The following PDE3B variants were observed in gnomAD, a reference collection of about 807,000 sequenced individuals.
The protein encoded by PDE3B is phosphodiesterase 3B, also known as cGMP-inhibited 3',5'-cyclic phosphodiesterase 3B.
In PDE3B, 66 loss-of-function variants were observed where a neutral mutation model predicts 116.8. The observed-to-expected ratio is 0.56, with a 90% CI of 0.46 to 0.69. The LOEUF (loss-of-function observed/expected upper bound fraction) is 0.69. Ranked by LOEUF, PDE3B falls within the 30% of genes least tolerant of loss-of-function variation. The probability of loss-of-function intolerance (pLI) is 0.00; values close to 1 mark genes in which losing one functional copy is unlikely to be tolerated. For missense variants in PDE3B, 1,384 were observed against 1,368.1 expected (o/e 1.01, Z -0.18); for synonymous variants, 595 against 533.6 (o/e 1.12, Z -1.59).
intron 1 of PDE3B, among the ~76,000 whole-genome samples, chr11:14,668,114 G>C (rs1194824938): frequency 6.6e-6 from 1 of 151,914 alleles, no homozygotes; most frequent in African/African-American, 2.4e-5. Flanking sequence ...AGACATCCAG[G>C]TAAGAGGACA....
the PDE3B span, chr11:14,887,664 C>A: frequency 1.0e-6 from 1 of 984,972 alleles, no homozygotes; most frequent in Non-Finnish European, 1.2e-6. Flanking sequence ...AAGTCTCTTT[C>A]CCTCACCCAA....
chr11:14,819,028 C>T (rs931706407), intron 6 of PDE3B, 108 bp from the exon 7 acceptor site: 21 of 598,804 alleles, frequency 3.5e-5, no homozygotes, highest in Non-Finnish European at 6.1e-5. Flanking sequence ...TTTTAGGATG[C>T]GTTGCAGTTG....
At chr11:14,810,318 T>G (rs1160695398) in intron 5 of PDE3B, among the ~76,000 whole-genome samples, 1 of 65,890 alleles carries the variant, frequency 1.5e-5, no homozygotes. Flanking sequence ...CCCTCCCCCC[T>G]CCCCCCACCC....
At chr11:14,645,777 T>G (rs1037959844) in intron 1 of PDE3B, among the ~76,000 whole-genome samples, 6 of 152,256 alleles carry the variant, frequency 3.9e-5, no homozygotes, top group Non-Finnish European at 8.8e-5. Flanking sequence ...ATTTTTGTTT[T>G]TTTTTTAAAA....
At chr11:14,708,905 C>T (rs147826245) in intron 1 of PDE3B, among the ~76,000 whole-genome samples, 1 of 151,984 alleles carries the variant, frequency 6.6e-6, no homozygotes, top group Non-Finnish European at 1.5e-5. Flanking sequence ...TTTTGCACCT[C>T]TTCTGTAAGT....
intron 1 of PDE3B, among the ~76,000 whole-genome samples, chr11:14,694,435 A>G (rs1279691542): frequency 1.3e-5 from 2 of 152,180 alleles, no homozygotes; most frequent in Non-Finnish European, 2.9e-5. Context: ...CCCTGCCTTC[A>G]GCAACCACCA....
At chr11:14,664,018 A>G (rs1408884092) in intron 1 of PDE3B, among the ~76,000 whole-genome samples, 2 of 152,206 alleles carry the variant, frequency 1.3e-5, no homozygotes, top group Non-Finnish European at 2.9e-5. Context: ...AGTTGGAAGT[A>G]AAGCTCTCCT....
intron 4 of PDE3B, among the ~76,000 whole-genome samples, chr11:14,799,047 C>T (rs935808057): frequency 6.6e-6 from 1 of 152,066 alleles, no homozygotes; most frequent in Non-Finnish European, 1.5e-5. Flanking sequence ...TAGATCTTTC[C>T]TGCTTTCTCT....
intron 1 of PDE3B, among the ~76,000 whole-genome samples, chr11:14,665,523 T>C (rs965404364): frequency 2.6e-5 from 4 of 152,244 alleles, no homozygotes; most frequent in South Asian, 4.1e-4. Flanking sequence ...AAAACCCCAT[T>C]GTCTCAGCCC....
intron 1 of PDE3B, among the ~76,000 whole-genome samples, chr11:14,664,932 C>T (rs1426839995): frequency 6.6e-6 from 1 of 152,162 alleles, no homozygotes; most frequent in Non-Finnish European, 1.5e-5. Flanking sequence ...CCAGCATCAT[C>T]CTGATACCAA....
intron 1 of PDE3B, among the ~76,000 whole-genome samples, chr11:14,687,296 C>A (rs1854905969): frequency 6.6e-6 from 1 of 152,096 alleles, no homozygotes; most frequent in Non-Finnish European, 1.5e-5. Context: ...TTGTGACTTC[C>A]TAAATGTCTA....
At chr11:14,666,788 G>A (rs1294579173) in intron 1 of PDE3B, among the ~76,000 whole-genome samples, 1 of 152,168 alleles carries the variant, frequency 6.6e-6, no homozygotes, top group South Asian at 2.1e-4. Context: ...GAAACCACAG[G>A]TGCTGGAGAG....
At chr11:14,896,594 A>T in the PDE3B span, among the ~76,000 whole-genome samples, 27 of 152,364 alleles carry the variant, frequency 1.8e-4, no homozygotes, top group South Asian at 5.4e-3. Flanking sequence ...AACATAGGAA[A>T]TGTGATCAGT....
chr11:14,882,541 G>C, the PDE3B span, among the ~76,000 whole-genome samples: 7 of 152,252 alleles, frequency 4.6e-5, no homozygotes, highest in African/African-American at 1.7e-4. Flanking sequence ...GTGTGCCTGG[G>C]CATGACACTG....
chr11:14,677,233 G>T (rs1373807655), intron 1 of PDE3B, among the ~76,000 whole-genome samples: 4 of 152,030 alleles, frequency 2.6e-5, no homozygotes, highest in Non-Finnish European at 5.9e-5. Flanking sequence ...TTTTCTGGTG[G>T]TGTCATTTTC....
intron 3 of PDE3B, among the ~76,000 whole-genome samples, chr11:14,787,522 C>A (rs1286683686): frequency 6.6e-6 from 1 of 151,836 alleles, no homozygotes; most frequent in African/African-American, 2.4e-5. Flanking sequence ...GGATTTTGAT[C>A]ATCAGTTAAT....
chr11:14,804,053 A>T lies in PDE3B; in HGVS notation c.1522+3A>T. 6.5e-7 allele frequency: 1 copy of T among 1,530,684 alleles called. No homozygotes were observed. The highest frequency in any genetic ancestry group is 9.1e-7 in the Non-Finnish European group (1 of 1,104,470). 94.8% of individuals were successfully genotyped at this position (1,530,684 alleles called of 1,614,324 possible). A position where few individuals can be genotyped will look rare whatever the true frequency, so the allele number is the denominator to read the frequency against. ...CCATGTAGGTCTCAGAAGAGCTGGT[A>T]AGAAATCATTCTTTATGACTCAAAT... is the stretch of plus-strand genomic sequence containing the variant. On this transcript the variant is annotated splice_donor_region_variant and intron_variant, in intron 5 of 15. Transcript: ENST00000282096.
the PDE3B span, chr11:14,891,021 G>C: frequency 1.0e-6 from 1 of 985,442 alleles, no homozygotes; most frequent in East Asian, 1.1e-4. Context: ...TTAAAAGGCT[G>C]TATCTGCCTT....
intron 1 of PDE3B, among the ~76,000 whole-genome samples, chr11:14,672,602 C>T (rs983172672): frequency 6.6e-6 from 1 of 152,060 alleles, no homozygotes; most frequent in Non-Finnish European, 1.5e-5. Flanking sequence ...TATCATATAA[C>T]AACAGGTCAC....
Sources: allele counts gnomAD v4.1 joint callset (sites outside exome capture counted in the v4.1 genomes callset), GRCh38; gene constraint gnomAD v4.1.1; transcripts MANE v1.5; gene names NCBI Gene and HGNC (gene_info 2026-07-23, HGNC 2026-07-21).